Variants in RNF135 observed in about 807,000 individuals in gnomAD.
RNF135 encodes E3 ubiquitin-protein ligase RNF135.
A neutral mutation model predicts 41.9 loss-of-function variants in RNF135; 46 were observed. The ratio of observed to expected loss-of-function variants is 1.10; its 90% CI spans 0.87 to 1.40. The LOEUF is 1.40. RNF135 is among the 40% of genes most tolerant of loss of function. RNF135 has a pLI of 0.00. For missense variants in RNF135, 539 were observed against 549.8 expected (o/e 0.98, Z 0.20); for synonymous variants, 238 against 223.8 (o/e 1.06, Z -0.57).
At chr17:30,989,793 A>G (rs1907858496) in intron 3 of RNF135, among the ~76,000 whole-genome samples, 1 of 152,018 alleles carries the variant, frequency 6.6e-6, no homozygotes, top group Admixed American at 6.6e-5. Flanking sequence ...TGAGGTCAAG[A>G]GTTCAAGACC....
chr17:30,975,074 A>AG (rs1018433412), intron 1 of RNF135, among the ~76,000 whole-genome samples: 4 of 151,884 alleles, frequency 2.6e-5, no homozygotes, highest in African/African-American at 9.7e-5. Flanking sequence ...GGATTGCTTG[A>AG]GCCCAGGAGT....
chr17:30,964,180 G>A, the RNF135 span, among the ~76,000 whole-genome samples: 2 of 152,006 alleles, frequency 1.3e-5, no homozygotes, highest in Non-Finnish European at 2.9e-5. Context: ...CTGAGGTCAG[G>A]AATTTGAGAC....
At chr17:30,978,121 G>C (rs1001016680) in intron 1 of RNF135, among the ~76,000 whole-genome samples, 6 of 152,098 alleles carry the variant, frequency 3.9e-5, no homozygotes, top group African/African-American at 1.4e-4. Flanking sequence ...GAACTCCCTT[G>C]TATATTATTT....
chr17:30,969,285 C>G (rs982492328), upstream of RNF135: 1 of 152,166 alleles, frequency 6.6e-6, no homozygotes, highest in African/African-American at 2.4e-5. Flanking sequence ...AAAAGAGGCT[C>G]TTAGAAACTA....
intron 3 of RNF135, among the ~76,000 whole-genome samples, chr17:30,992,067 G>C (rs1278182708): frequency 6.6e-6 from 1 of 151,744 alleles, no homozygotes; most frequent in African/African-American, 2.4e-5. Flanking sequence ...AAGTAGCTGG[G>C]ATTACAAGCC....
At chr17:30,986,098 A>G (rs923521338) in intron 2 of RNF135, among the ~76,000 whole-genome samples, 1 of 152,176 alleles carries the variant, frequency 6.6e-6, no homozygotes, top group Non-Finnish European at 1.5e-5. Context: ...TTTCATTTGT[A>G]GTGGTTATCA....
chr17:30,972,691 A>G (rs1270140878), intron 1 of RNF135: 1 of 152,192 alleles, frequency 6.6e-6, no homozygotes, highest in Non-Finnish European at 1.5e-5. Context: ...GTGTTTTCAA[A>G]GTTCATTCAT....
chr17:30,959,179 C>G, the RNF135 span: 2 of 152,148 alleles, frequency 1.3e-5, no homozygotes, highest in African/African-American at 4.8e-5. Flanking sequence ...AATAAAGGTA[C>G]AGTCTTGCCT....
chr17:30,998,969 A>T lies in RNF135; in HGVS notation c.1077A>T (p.Ala359=). The change falls in exon 5 of 5, where the codon GCA becomes GCT. Residue 359 remains alanine (A), a synonymous_variant. Transcript: ENST00000328381. ...VEWKGTSQLS[A]WHMVKETVLG... ...GGAAGGGGACTAGCCAGCTCTCTGC[A>T]TGGCACATGGTCAAGGAAACTGTCC... 6.2e-7 allele frequency: 1 copy of T among 1,614,112 alleles called. No individual in the cohort carries two copies. Among genetic ancestry groups the T allele is most frequent in the East Asian group, 2.2e-5 (1 of 44,876 alleles).
upstream of RNF135, chr17:30,970,881 C>T (rs912964120): frequency 9.1e-6 from 7 of 770,550 alleles, no homozygotes; most frequent in Middle Eastern, 3.8e-4. Context: ...CTCTGTCTTT[C>T]CAGCTGGGCA....
At chr17:30,969,927 G>GCATTT (rs576006730), upstream of RNF135, among the ~76,000 whole-genome samples, 466 of 152,014 alleles carry the variant, frequency 3.1e-3, 2 homozygotes, top group African/African-American at 0.011. Flanking sequence ...AGGGCGCCTG[G>GCATTT]CTTTTCTTTT....
chr17:30,986,577 A>G (rs1598094069), intron 2 of RNF135, among the ~76,000 whole-genome samples: 1 of 152,364 alleles, frequency 6.6e-6, no homozygotes, highest in Admixed American at 6.5e-5. Flanking sequence ...GGGGTTCAAC[A>G]AATACCCACT....
intron 1 of RNF135, among the ~76,000 whole-genome samples, chr17:30,975,105 A>G (rs1906325498): frequency 6.6e-6 from 1 of 151,736 alleles, no homozygotes; most frequent in South Asian, 2.1e-4. Flanking sequence ...CCTGGGCAGC[A>G]TGGTGAGATC....
At chr17:30,959,932 C>G in the RNF135 span, 2 of 150,176 alleles carry the variant, frequency 1.3e-5, no homozygotes, top group African/African-American at 4.9e-5. Context: ...GGGAGGCTTG[C>G]TTGGGCCTGG....
At chr17:30,982,362 G>A (rs963442688) in intron 1 of RNF135, among the ~76,000 whole-genome samples, 2 of 152,192 alleles carry the variant, frequency 1.3e-5, no homozygotes, top group Non-Finnish European at 2.9e-5. Flanking sequence ...GTGGGTAGGC[G>A]TCAGCTGAAT....
intron 1 of RNF135, among the ~76,000 whole-genome samples, chr17:30,984,221 T>C (rs372944327): frequency 1.9e-4 from 29 of 152,354 alleles, no homozygotes; most frequent in East Asian, 9.6e-4. Context: ...CAATAAATCA[T>C]TGCCAAATCC....
chr17:30,987,673 A>G (rs1907686006), intron 2 of RNF135, among the ~76,000 whole-genome samples: 1 of 152,244 alleles, frequency 6.6e-6, no homozygotes, highest in Non-Finnish European at 1.5e-5. Flanking sequence ...GCAAAATATT[A>G]GAAAGCACAT....
chr17:30,997,948 AT>A (rs1458905431), intron 4 of RNF135, among the ~76,000 whole-genome samples: 1 of 152,218 alleles, frequency 6.6e-6, no homozygotes, highest in African/African-American at 2.4e-5. Flanking sequence ...ACCAAATGAA[AT>A]ATACAAAGTG....
intron 1 of RNF135, among the ~76,000 whole-genome samples, chr17:30,976,146 C>T (rs2142669846): frequency 6.6e-6 from 1 of 152,260 alleles, no homozygotes; most frequent in African/African-American, 2.4e-5. Context: ...GCTGGGATTA[C>T]AGGCACACGC....
Sources: gnomAD v4.1 joint callset for allele counts (sites outside exome capture counted in the v4.1 genomes callset) on GRCh38, gnomAD v4.1.1 for gene constraint, MANE v1.5 for transcripts, NCBI Gene and HGNC (gene_info 2026-07-23, HGNC 2026-07-21) for gene names.